Variants in LOC112694756 observed in about 807,000 individuals in gnomAD.
chr16:30,059,294 G>A, the LOC112694756 span, among the ~76,000 whole-genome samples: 3 of 151,790 alleles, frequency 2.0e-5, no homozygotes, highest in Non-Finnish European at 4.4e-5. Flanking sequence ...TCAGGAGTTC[G>A]AGACCATCCT....
the LOC112694756 span, among the ~76,000 whole-genome samples, chr16:30,057,802 T>A: frequency 6.6e-6 from 1 of 151,922 alleles, no homozygotes; most frequent in African/African-American, 2.4e-5. Context: ...GTGGTGGCAC[T>A]CGCCTGTAAT....
the LOC112694756 span, among the ~76,000 whole-genome samples, chr16:30,065,132 C>T: frequency 4.6e-5 from 7 of 152,330 alleles, no homozygotes; most frequent in Middle Eastern, 3.4e-3. Flanking sequence ...CAGCCTGGAA[C>T]TCGGATGGGG....
At chr16:30,066,854 C>G in the LOC112694756 span, 11 of 1,540,796 alleles carry the variant, frequency 7.1e-6, no homozygotes, top group Non-Finnish European at 8.8e-7. Context: ...TCTTTACATT[C>G]TAAAATACTC....
the LOC112694756 span, among the ~76,000 whole-genome samples, chr16:30,060,435 G>C: frequency 1.3e-5 from 2 of 152,148 alleles, no homozygotes; most frequent in South Asian, 4.2e-4. Context: ...AAAAATTCAA[G>C]TGAAAAACTC....
At chr16:30,063,878 CCCCCAGGG>C in the LOC112694756 span, 1 of 399,010 alleles carries the variant, frequency 2.5e-6, no homozygotes, top group South Asian at 1.3e-4. Flanking sequence ...GAGCGGCCAG[CCCCCAGGG>C]CCCATGTGCC....
chr16:30,067,667 G>C, the LOC112694756 span: 8 of 1,614,072 alleles, frequency 5.0e-6, no homozygotes, highest in Middle Eastern at 1.6e-4. Context: ...TCAAGGTAAG[G>C]GGAGGGCCTC....
the LOC112694756 span, among the ~76,000 whole-genome samples, chr16:30,054,067 C>G: frequency 6.6e-6 from 1 of 151,710 alleles, no homozygotes; most frequent in Non-Finnish European, 1.5e-5. Context: ...TGCCTGGAAT[C>G]CCAGCACTTT....
chr16:30,070,103 C>T, the LOC112694756 span: 9 of 1,613,820 alleles, frequency 5.6e-6, no homozygotes, highest in Non-Finnish European at 7.6e-6. Flanking sequence ...CACTCCACCC[C>T]TCTCCCTGCT....
chr16:30,069,803 C>A, the LOC112694756 span: 6 of 1,613,822 alleles, frequency 3.7e-6, no homozygotes, highest in African/African-American at 1.3e-5. Context: ...TGACCACAGC[C>A]CCTCTCGCCT....
At chr16:30,064,890 A>G in the LOC112694756 span, 11 of 176,040 alleles carry the variant, frequency 6.2e-5, no homozygotes, top group Non-Finnish European at 5.9e-5. Flanking sequence ...CGATAGGAGC[A>G]GGGGGCTCAG....
the LOC112694756 span, among the ~76,000 whole-genome samples, chr16:30,053,783 T>G: frequency 6.6e-6 from 1 of 151,978 alleles, no homozygotes; most frequent in African/African-American, 2.4e-5. Context: ...GCTGCAGCAT[T>G]TGGGGAACTG....
chr16:30,064,599 A>G, the LOC112694756 span: 1 of 397,814 alleles, frequency 2.5e-6, no homozygotes, highest in East Asian at 3.6e-5. Flanking sequence ...TGTGAATGTC[A>G]GGGGCTTCAG....
the LOC112694756 span, chr16:30,070,111 G>T: frequency 6.2e-7 from 1 of 1,613,974 alleles, no homozygotes; most frequent in South Asian, 1.1e-5. Context: ...CCCTCTCCCT[G>T]CTTAGGCCAA....
the LOC112694756 span, chr16:30,070,324 C>T: frequency 1.0e-6 from 1 of 986,284 alleles, no homozygotes; most frequent in African/African-American, 1.6e-5. Context: ...CTCTTTCTTC[C>T]CTCGTGACAG....
At chr16:30,069,608 C>T in the LOC112694756 span, 4 of 1,613,980 alleles carry the variant, frequency 2.5e-6, no homozygotes, top group African/African-American at 1.3e-5. Context: ...CAGAAGTTTT[C>T]TCATGAGGAG....
chr16:30,069,746 G>A, the LOC112694756 span: 2 of 1,611,610 alleles, frequency 1.2e-6, no homozygotes, highest in African/African-American at 1.3e-5. Context: ...CATTTGGACG[G>A]ATTTCCATGG....
the LOC112694756 span, chr16:30,069,804 C>G: frequency 6.2e-7 from 1 of 1,613,924 alleles, no homozygotes; most frequent in Non-Finnish European, 8.5e-7. Flanking sequence ...GACCACAGCC[C>G]CTCTCGCCTC....
At chr16:30,067,240 G>GCT in the LOC112694756 span, 5 of 1,612,208 alleles carry the variant, frequency 3.1e-6, no homozygotes, top group Non-Finnish European at 4.2e-6. Flanking sequence ...CCAGGAACTT[G>GCT]CTACTACCAG....
chr16:30,053,881 T>C, the LOC112694756 span, among the ~76,000 whole-genome samples: 3 of 152,058 alleles, frequency 2.0e-5, no homozygotes, highest in Non-Finnish European at 4.4e-5. Flanking sequence ...AAATTTTAAG[T>C]GCCAGGCGTG....
Sources: allele counts gnomAD v4.1 joint callset (sites outside exome capture counted in the v4.1 genomes callset), GRCh38; gene constraint gnomAD v4.1.1; transcripts MANE v1.5.